Variants in OBP2B observed in about 807,000 individuals in gnomAD.
OBP2B encodes odorant binding protein 2B, also known as odorant-binding protein 2b.
OBP2B carries 10 observed loss-of-function variants against 21.7 expected under a neutral mutation model. The observed-to-expected ratio is 0.46, with a 90% CI of 0.28 to 0.78. OBP2B has a LOEUF of 0.78. Among genes scored for constraint, OBP2B ranks in the 30% least tolerant of loss-of-function variants. OBP2B has a pLI of 0.11. For synonymous variants in OBP2B, 73 were observed against 91.5 expected, an observed-to-expected ratio of 0.80 and a Z score of 1.16; for missense variants, 153 against 217.7, an observed-to-expected ratio of 0.70 and a Z score of 1.87.
At chr9:133,213,883 T>C (rs182952722), upstream of OBP2B, among the ~76,000 whole-genome samples, 1 of 152,204 alleles carries the variant, frequency 6.6e-6, no homozygotes, top group Admixed American at 6.5e-5. Flanking sequence ...CTGCATAATC[T>C]CAGAAGATGA....
At chr9:133,219,902 A>G in the OBP2B span, among the ~76,000 whole-genome samples, 1 of 152,254 alleles carries the variant, frequency 6.6e-6, no homozygotes, top group Non-Finnish European at 1.5e-5. Context: ...ATGGATAAAA[A>G]AGGTGGTATT....
At chr9:133,210,400 A>G (rs187146284), upstream of OBP2B, among the ~76,000 whole-genome samples, 4 of 152,186 alleles carry the variant, frequency 2.6e-5, no homozygotes, top group East Asian at 7.7e-4. Flanking sequence ...GGCTGGTGTG[A>G]CCCAGTCCCT....
the OBP2B span, among the ~76,000 whole-genome samples, chr9:133,215,448 C>A: frequency 2.6e-5 from 4 of 152,132 alleles, no homozygotes; most frequent in South Asian, 8.3e-4. Flanking sequence ...GGCAGAGGAA[C>A]TAGAATAACT....
chr9:133,221,686 G>A, the OBP2B span, among the ~76,000 whole-genome samples: 2 of 152,208 alleles, frequency 1.3e-5, no homozygotes, highest in African/African-American at 4.8e-5. Context: ...CCTGGCCTTA[G>A]AATAATATTT....
chr9:133,207,811 C>T (rs1208366465), intron 3 of OBP2B: 6 of 1,400,154 alleles, frequency 4.3e-6, no homozygotes, highest in African/African-American at 4.3e-5. Context: ...CCTCAGCTTC[C>T]CCATCCCTAA....
At chr9:133,205,669 G>T in intron 6 of OBP2B, 1 of 620,524 alleles carries the variant, frequency 1.6e-6, no homozygotes, top group Non-Finnish European at 2.9e-6. Context: ...GCCGGAGGGA[G>T]GCCTCGCTGT....
intron 4 of OBP2B, 57 bp from the exon 5 acceptor site, chr9:133,206,473 G>T (rs1373829596): frequency 6.2e-7 from 1 of 1,604,448 alleles, no homozygotes; most frequent in Non-Finnish European, 8.5e-7. Context: ...GCCCTGCAGG[G>T]AGCAGATGCC....
chr9:133,207,398 C>T (rs1588616321), intron 3 of OBP2B, 62 bp from the exon 4 acceptor site: 1 of 1,162,644 alleles, frequency 8.6e-7, no homozygotes, highest in South Asian at 1.3e-5. Context: ...CATGAAGAAA[C>T]ACTCGGGAAT....
At position 133,208,188 on chromosome 9, in the gene OBP2B, G is replaced by A; in HGVS notation, c.222C>T (p.Cys74=). Residue 74 remains cysteine, a synonymous_variant, in exon 3 of 7, where the codon TGC becomes TGT. Transcript: ENST00000372034. ...TCCGCATCAGGATTTTCTTCTGGAT[G>A]CACCTATCCTCCCTCCTGGAAAACA... ...ATFTFMREDR[C]IQKKILMRKT... is the part of the protein sequence containing the mutation. 2 of 1,611,864 alleles carry A rather than the reference G, an allele frequency of 1.2e-6. No homozygotes were observed. Among genetic ancestry groups the A allele is most frequent in the Non-Finnish European group, 1.7e-6 (2 of 1,179,840 alleles).
the OBP2B span, among the ~76,000 whole-genome samples, chr9:133,220,399 G>A: frequency 1.3e-5 from 2 of 152,206 alleles, no homozygotes; most frequent in African/African-American, 2.4e-5. Context: ...ATCACTCCCC[G>A]GAGACACCCT....
chr9:133,209,679 C>T (rs1183103063), upstream of OBP2B, among the ~76,000 whole-genome samples: 2 of 152,058 alleles, frequency 1.3e-5, no homozygotes, highest in African/African-American at 4.8e-5. This position sits in a 1 kb window ranked among gnomAD's most constrained non-coding sequence, Gnocchi z 6.0. Flanking sequence ...ACCAGAGAGA[C>T]GTGGGGCTGC....
chr9:133,222,341 G>A, the OBP2B span, among the ~76,000 whole-genome samples: 3 of 152,328 alleles, frequency 2.0e-5, no homozygotes, highest in Non-Finnish European at 4.4e-5. Context: ...GCACCCAGCT[G>A]CCCCTTCTTA....
upstream of OBP2B, among the ~76,000 whole-genome samples, chr9:133,213,848 A>T (rs535912864): frequency 2.6e-5 from 4 of 152,334 alleles, no homozygotes; most frequent in South Asian, 8.3e-4. Context: ...TCTACCAACC[A>T]TTTAAAAAAT....
At chr9:133,220,580 TG>T in the OBP2B span, among the ~76,000 whole-genome samples, 1 of 151,468 alleles carries the variant, frequency 6.6e-6, no homozygotes, top group Non-Finnish European at 1.5e-5. Context: ...GCCCTGTGGA[TG>T]TGTGTATGTG....
chr9:133,210,471 G>A (rs1833894064), upstream of OBP2B, among the ~76,000 whole-genome samples: 8 of 152,060 alleles, frequency 5.3e-5, no homozygotes, highest in Admixed American at 5.2e-4. Flanking sequence ...CCCCGGGCAG[G>A]AAAGAATGGG....
the OBP2B span, among the ~76,000 whole-genome samples, chr9:133,219,340 C>T: frequency 1.2e-4 from 18 of 152,278 alleles, no homozygotes; most frequent in Non-Finnish European, 2.5e-4. Flanking sequence ...AGATACAGAA[C>T]GTGAGAAAAT....
At chr9:133,209,525 CCAAGCCACA>C (rs1833865476), upstream of OBP2B, among the ~76,000 whole-genome samples, 2 of 152,180 alleles carry the variant, frequency 1.3e-5, no homozygotes, top group Non-Finnish European at 2.9e-5. The surrounding 1 kb of genome is among the most constrained non-coding windows in gnomAD (Gnocchi z 6.0). Context: ...CATCTGCACC[CCAAGCCACA>C]GAGGCAGGGC....
upstream of OBP2B, among the ~76,000 whole-genome samples, chr9:133,213,012 G>A (rs1833934059): frequency 2.7e-5 from 4 of 149,536 alleles, no homozygotes; most frequent in South Asian, 8.6e-4. Context: ...ATCACTTGAG[G>A]TCAGGAGTTC....
the OBP2B span, among the ~76,000 whole-genome samples, chr9:133,217,411 C>T: frequency 3.3e-5 from 5 of 152,212 alleles, no homozygotes; most frequent in African/African-American, 9.7e-5. Context: ...CAATGCTAAG[C>T]TTTGTTGGTT....
Sources: gnomAD v4.1 joint callset for allele counts (sites outside exome capture counted in the v4.1 genomes callset) on GRCh38, gnomAD v4.1.1 for gene constraint, Gnocchi (gnomAD v3.1) non-coding constraint, MANE v1.5 for transcripts, NCBI Gene and HGNC (gene_info 2026-07-23, HGNC 2026-07-21) for gene names.